PDE4D: variants seen among roughly 807,000 people sequenced by gnomAD.
PDE4D encodes the protein phosphodiesterase 4D, also known as 3',5'-cyclic-AMP phosphodiesterase 4D.
Under a neutral mutation model 87.4 loss-of-function variants are expected in PDE4D, and 24 were observed. The observed-to-expected ratio is 0.27, with a 90% CI of 0.20 to 0.39. PDE4D has a LOEUF of 0.39. Ranked by LOEUF, PDE4D falls within the 10% of genes least tolerant of loss-of-function variation. The probability of loss-of-function intolerance (pLI) is 1.00; values close to 1 mark genes in which losing one functional copy is unlikely to be tolerated. For synonymous variants in PDE4D, 384 were observed against 383.2 expected (o/e 1.00, Z -0.02); for missense variants, 714 against 1,041.0 (o/e 0.69, Z 4.32).
chr5:60,131,600 G>T (rs1779588378), intron 2 of PDE4D, among the ~76,000 whole-genome samples: 1 of 152,188 alleles, frequency 6.6e-6, no homozygotes, highest in African/African-American at 2.4e-5. Context: ...GCAAGGCCTA[G>T]TGGCCCCTAT....
rs576524992 is a variant in PDE4D at position 59,443,006 on chromosome 5, C to A, written c.456-227038G>T. Among the ~76,000 whole-genome samples, 198 of 152,260 alleles carry A rather than the reference C, an allele frequency of 1.3e-3. 1 individual carries two copies. Among genetic ancestry groups the A allele is most frequent in the African/African-American group, 4.5e-3 (187 of 41,552 alleles). On this transcript the variant is annotated intron_variant, in intron 1 of 14. Transcript: ENST00000340635. ...TTATTTTGACCTTAGAAAAACCCAG[C>A]AGAGTGGGAAATTTCAACAGATACA...
chr5:59,721,865 T>A (rs1016250824), intron 1 of PDE4D, among the ~76,000 whole-genome samples: 1 of 152,160 alleles, frequency 6.6e-6, no homozygotes, highest in South Asian at 2.1e-4. Flanking sequence ...ATTAAAAATC[T>A]CCTCTGTGTC....
In PDE4D at chr5:59,997,106, A is replaced by G. The variant is rs1582103259; in HGVS notation, c.43-8389T>C. Among the ~76,000 whole-genome samples, 3 of 152,328 alleles carry G rather than the reference A, an allele frequency of 2.0e-5. No individual in the cohort carries two copies. In the East Asian group the frequency reaches 5.8e-4, roughly 29 times the overall value. On this transcript the variant is annotated intron_variant, in intron 2 of 16. Transcript: ENST00000502484. ...CTCTAGGATTCAATTAACCTTTTGTAAATAGCATTGTACATTTCCTGGCTG... is the reference window on the plus strand; with the variant it reads ...CTCTAGGATTCAATTAACCTTTTGTGAATAGCATTGTACATTTCCTGGCTG...
chr5:60,194,569 C>T (rs973248177), intron 1 of PDE4D, among the ~76,000 whole-genome samples: 1 of 151,670 alleles, frequency 6.6e-6, no homozygotes, highest in Non-Finnish European at 1.5e-5. Context: ...GACAGGTACT[C>T]AGGAATCTAC....
Position 60,091,811 on chromosome 5 carries a change from G to A in PDE4D, c.42+93746C>T, listed in dbSNP as rs556569321. Among the ~76,000 whole-genome samples the A allele has an allele frequency of 3.7e-3, 568 of 152,170 alleles. 1 individual carries two copies. Among genetic ancestry groups the A allele is most frequent in the African/African-American group, 0.012 (494 of 41,510 alleles). On this transcript the variant is annotated intron_variant, in intron 2 of 16. Transcript: ENST00000502484. ...CTCACGCCTGTAATCCCAGCACTTT[G>A]GGAGGCCGAGACAGGCGGATCACGA...
chr5:59,147,449 G>T (rs1424003206), intron 5 of PDE4D, among the ~76,000 whole-genome samples: 2 of 152,084 alleles, frequency 1.3e-5, no homozygotes, highest in Admixed American at 6.5e-5. Context: ...TTCCTAAGAT[G>T]CATTCAACTT....
intron 5 of PDE4D, among the ~76,000 whole-genome samples, chr5:59,156,517 T>A (rs1163557242): frequency 6.6e-6 from 1 of 151,666 alleles, no homozygotes; most frequent in Non-Finnish European, 1.5e-5. Context: ...TGCTGGCCAC[T>A]TAGTTGTGAT....
intron 5 of PDE4D, among the ~76,000 whole-genome samples, chr5:59,086,652 A>G (rs1165184183): frequency 6.6e-6 from 1 of 152,046 alleles, no homozygotes; most frequent in African/African-American, 2.4e-5. Flanking sequence ...AGACACCTCA[A>G]ACTTCATATT....
At chr5:59,931,789 C>T (rs188746207) in intron 3 of PDE4D, among the ~76,000 whole-genome samples, 115 of 151,556 alleles carry the variant, frequency 7.6e-4, no homozygotes, top group East Asian at 2.5e-3. Context: ...GCAAGCTCCG[C>T]CTCCCAGGTT....
At chr5:59,309,395 G>A (rs948022856) in intron 1 of PDE4D, among the ~76,000 whole-genome samples, 1 of 152,192 alleles carries the variant, frequency 6.6e-6, no homozygotes, top group African/African-American at 2.4e-5. Context: ...GCCAGGCATG[G>A]ATGGCCTGCT....
At chr5:59,739,254 T>C (rs1364660888) in intron 1 of PDE4D, among the ~76,000 whole-genome samples, 1 of 152,062 alleles carries the variant, frequency 6.6e-6, no homozygotes, top group Admixed American at 6.6e-5. Flanking sequence ...ACCCCATTTT[T>C]ACTAAAAATA....
At chr5:59,234,873 C>T (rs1056055983) in intron 1 of PDE4D, among the ~76,000 whole-genome samples, 3 of 151,702 alleles carry the variant, frequency 2.0e-5, no homozygotes, top group Non-Finnish European at 2.9e-5. Flanking sequence ...TGAGCAAATG[C>T]CAGTACTTCA....
intron 2 of PDE4D, among the ~76,000 whole-genome samples, chr5:60,087,814 A>C (rs1339514243): frequency 6.6e-6 from 1 of 152,158 alleles, no homozygotes; most frequent in African/African-American, 2.4e-5. Context: ...GTAAAAGAGG[A>C]AAAGGTCTAG....
At chr5:59,977,725 A>G (rs1200274559) in intron 3 of PDE4D, among the ~76,000 whole-genome samples, 2 of 152,218 alleles carry the variant, frequency 1.3e-5, no homozygotes, top group African/African-American at 2.4e-5. Context: ...TATTGGGAGA[A>G]GATACCATCT....
At chr5:59,933,791 T>TATATATATATATATATATA (rs1554116652) in intron 3 of PDE4D, among the ~76,000 whole-genome samples, 6 of 101,562 alleles carry the variant, frequency 5.9e-5, no homozygotes, top group African/African-American at 2.7e-4. Context: ...TATATATATA[T>TATATATATATATATATATA]TAATAAGCAT....
At chr5:59,988,933 G>A (rs572495249) in intron 2 of PDE4D, among the ~76,000 whole-genome samples, 20 of 151,892 alleles carry the variant, frequency 1.3e-4, no homozygotes, top group Middle Eastern at 3.4e-3. Flanking sequence ...GTGTGGCTTG[G>A]TTAAAACAGT....
chr5:60,291,539 T>A (rs974825145), intron 1 of PDE4D, among the ~76,000 whole-genome samples: 8 of 151,568 alleles, frequency 5.3e-5, no homozygotes, highest in African/African-American at 1.9e-4. Context: ...AAATATAACG[T>A]TTTTAGAGAA....
At chr5:59,551,132 A>G (rs1191359483) in intron 1 of PDE4D, among the ~76,000 whole-genome samples, 2 of 151,990 alleles carry the variant, frequency 1.3e-5, no homozygotes, top group African/African-American at 4.8e-5. Flanking sequence ...TCCTTAATGT[A>G]TACACATCTA....
intron 1 of PDE4D, among the ~76,000 whole-genome samples, chr5:59,478,899 A>G: frequency 8.8e-6 from 1 of 113,966 alleles, no homozygotes; most frequent in South Asian, 2.3e-4. Context: ...TTCTTCATAA[A>G]ATTTTCAATA....
Sources: gnomAD v4.1 joint callset for allele counts (sites outside exome capture counted in the v4.1 genomes callset) on GRCh38, gnomAD v4.1.1 for gene constraint, MANE v1.5 for transcripts, NCBI Gene and HGNC (gene_info 2026-07-23, HGNC 2026-07-21) for gene names.